The following KHDRBS2 variants were observed in gnomAD, a reference collection of about 807,000 sequenced individuals.
KHDRBS2 encodes the protein KH RNA binding domain containing, signal transduction associated 2.
KHDRBS2 carries 26 observed loss-of-function variants against 44.3 expected under a neutral mutation model. The observed-to-expected ratio is 0.59, with a 90% CI of 0.43 to 0.81. KHDRBS2 has a LOEUF of 0.81. Among genes scored for constraint, KHDRBS2 ranks in the 40% least tolerant of loss-of-function variants. KHDRBS2 has a pLI of 0.00. For synonymous variants in KHDRBS2, 194 were observed against 151.1 expected (o/e 1.28, Z -2.08); for missense variants, 476 against 433.1 (o/e 1.10, Z -0.88).
At chr6:61,865,916 G>A (rs1237245691) in intron 6 of KHDRBS2, among the ~76,000 whole-genome samples, 1 of 152,212 alleles carries the variant, frequency 6.6e-6, no homozygotes, top group Non-Finnish European at 1.5e-5. Flanking sequence ...CAAGAGGTGG[G>A]CTCCCACAGC....
intron 7 of KHDRBS2, among the ~76,000 whole-genome samples, chr6:61,699,002 C>A (rs146120833): frequency 6.6e-6 from 1 of 152,190 alleles, no homozygotes; most frequent in East Asian, 1.9e-4. Context: ...TAAACAAACA[C>A]ACAAACACCC....
At chr6:61,614,246 G>C in the KHDRBS2 span, among the ~76,000 whole-genome samples, 67 of 152,038 alleles carry the variant, frequency 4.4e-4, no homozygotes, top group Non-Finnish European at 8.8e-4. Flanking sequence ...ATCTCCCAAG[G>C]TTATGGTTAT....
chr6:62,155,846 T>C (rs1269223078), intron 2 of KHDRBS2, among the ~76,000 whole-genome samples: 2 of 152,164 alleles, frequency 1.3e-5, no homozygotes, highest in Non-Finnish European at 2.9e-5. Context: ...AATTAAAAAG[T>C]GAGTGTTTCT....
chr6:61,822,060 C>T (rs1056460070), intron 6 of KHDRBS2, among the ~76,000 whole-genome samples: 7 of 151,878 alleles, frequency 4.6e-5, no homozygotes, highest in African/African-American at 1.7e-4. Flanking sequence ...AACAAAATTA[C>T]CTGATTCATT....
At chr6:61,882,128 T>C (rs953540075) in intron 6 of KHDRBS2, among the ~76,000 whole-genome samples, 2 of 151,984 alleles carry the variant, frequency 1.3e-5, no homozygotes, top group Non-Finnish European at 2.9e-5. Flanking sequence ...ACATGTGAGG[T>C]GTTCTCCCCC....
the KHDRBS2 span, among the ~76,000 whole-genome samples, chr6:61,585,048 A>G: frequency 6.6e-6 from 1 of 151,990 alleles, no homozygotes; most frequent in African/African-American, 2.4e-5. Context: ...AAAAATAGGT[A>G]ATATGATGTA....
At chr6:61,879,492 A>G (rs1799913942) in intron 6 of KHDRBS2, among the ~76,000 whole-genome samples, 2 of 151,910 alleles carry the variant, frequency 1.3e-5, no homozygotes, top group African/African-American at 4.8e-5. Context: ...TCTAATTATT[A>G]GACCCTAAAA....
intron 6 of KHDRBS2, among the ~76,000 whole-genome samples, chr6:61,774,718 A>G (rs1781642533): frequency 6.6e-6 from 1 of 152,204 alleles, no homozygotes; most frequent in Non-Finnish European, 1.5e-5. Flanking sequence ...AGGTACAAAG[A>G]GGAGCTGGTA....
the KHDRBS2 span, among the ~76,000 whole-genome samples, chr6:61,545,094 A>T: frequency 6.6e-6 from 1 of 151,988 alleles, no homozygotes; most frequent in African/African-American, 2.4e-5. Flanking sequence ...AAAAATTTTA[A>T]AAAAATTTGA....
intron 1 of KHDRBS2, among the ~76,000 whole-genome samples, chr6:62,259,086 A>T (rs1354562669): frequency 6.6e-6 from 1 of 152,082 alleles, no homozygotes; most frequent in Non-Finnish European, 1.5e-5. Flanking sequence ...ATTTCAAAAG[A>T]CAAAGAATTA....
At position 61,994,226 on chromosome 6, in the gene KHDRBS2, G is replaced by A. The variant is rs143168857; in HGVS notation, c.337-16014C>T. ...TCAGGGAGGATTTCTGCAAGGAGGCGTAATCCAAGGATATGGTCACTTCAG... is the reference window on the plus strand; with the variant it reads ...TCAGGGAGGATTTCTGCAAGGAGGCATAATCCAAGGATATGGTCACTTCAG... On this transcript the variant is annotated intron_variant, in intron 3 of 8. Coordinates refer to ENST00000281156, the MANE Select transcript of KHDRBS2 (RefSeq NM_152688.4). 4.7e-3 allele frequency among the ~76,000 whole-genome samples: 715 copies of A among 152,216 alleles called. 3 individuals are homozygous for A. Among genetic ancestry groups the A allele is most frequent in the Middle Eastern group, 0.01 (3 of 294 alleles).
chr6:61,954,146 T>A (rs1765385758), intron 4 of KHDRBS2, among the ~76,000 whole-genome samples: 1 of 151,956 alleles, frequency 6.6e-6, no homozygotes, highest in Non-Finnish European at 1.5e-5. Flanking sequence ...TATGCTTCAG[T>A]AGTATGTCAT....
the KHDRBS2 span, among the ~76,000 whole-genome samples, chr6:61,645,225 T>A: frequency 6.6e-6 from 1 of 151,840 alleles, no homozygotes; most frequent in Non-Finnish European, 1.5e-5. Flanking sequence ...GAAAATGAAA[T>A]ATCACATGTT....
chr6:61,561,313 G>A, the KHDRBS2 span, among the ~76,000 whole-genome samples: 3 of 152,152 alleles, frequency 2.0e-5, no homozygotes, highest in Admixed American at 6.5e-5. Flanking sequence ...CACTGAGTCA[G>A]ACCTGAAGCT....
chr6:61,999,420 A>G (rs1170143527), intron 3 of KHDRBS2, among the ~76,000 whole-genome samples: 1 of 152,138 alleles, frequency 6.6e-6, no homozygotes, highest in Non-Finnish European at 1.5e-5. Flanking sequence ...CATCATTATC[A>G]TGAGTAATAA....
At chr6:62,011,523 T>C (rs1251998511) in intron 3 of KHDRBS2, among the ~76,000 whole-genome samples, 3 of 152,186 alleles carry the variant, frequency 2.0e-5, no homozygotes, top group Admixed American at 6.6e-5. Context: ...ACAATATTTG[T>C]CTCCTTTGAA....
At chr6:62,089,660 C>A (rs1799127340) in intron 2 of KHDRBS2, among the ~76,000 whole-genome samples, 1 of 152,160 alleles carries the variant, frequency 6.6e-6, no homozygotes. Flanking sequence ...CAGACTGGAG[C>A]TGCTCCTATT....
chr6:61,846,463 T>C (rs1367328931), intron 6 of KHDRBS2, among the ~76,000 whole-genome samples: 2 of 152,156 alleles, frequency 1.3e-5, no homozygotes, highest in Non-Finnish European at 2.9e-5. Flanking sequence ...ACCTAGGGCA[T>C]GGGTGGTGTC....
the KHDRBS2 span, among the ~76,000 whole-genome samples, chr6:61,570,946 A>G: frequency 6.6e-6 from 1 of 152,108 alleles, no homozygotes; most frequent in South Asian, 2.1e-4. Context: ...ACCTTAAAAT[A>G]CACCAAAATA....
Sources: allele counts gnomAD v4.1 joint callset (sites outside exome capture counted in the v4.1 genomes callset), GRCh38; gene constraint gnomAD v4.1.1; transcripts MANE v1.5; gene names NCBI Gene and HGNC (gene_info 2026-07-23, HGNC 2026-07-21).